The following REEP3 variants were observed in gnomAD, a reference collection of about 807,000 sequenced individuals.
The protein encoded by REEP3 is receptor expression-enhancing protein 3.
Under a neutral mutation model 41.3 loss-of-function variants are expected in REEP3, and 20 were observed. The ratio of observed to expected loss-of-function variants is 0.48; its 90% confidence interval spans 0.34 to 0.70. The LOEUF is 0.70. Among genes scored for constraint, REEP3 ranks in the 30% least tolerant of loss-of-function variants. The pLI, the probability that REEP3 is intolerant of heterozygous loss-of-function variation, is 0.01. For synonymous variants in REEP3, 104 were observed against 101.8 expected, an observed-to-expected ratio of 1.02 and a Z score of -0.13; for missense variants, 271 against 308.8, an observed-to-expected ratio of 0.88 and a Z score of 0.92.
At chr10:63,591,115 G>A (rs1188634600) in intron 2 of REEP3, among the ~76,000 whole-genome samples, 3 of 102,838 alleles carry the variant, frequency 2.9e-5, no homozygotes, top group African/African-American at 1.1e-4. Context: ...TAGGTTTTGT[G>A]TTTTTGTTTT....
intron 3 of REEP3, 31 bp from the exon 4 acceptor site, chr10:63,597,993 G>A (rs1234402940): frequency 6.4e-7 from 1 of 1,569,614 alleles, no homozygotes; most frequent in Admixed American, 1.9e-5. Context: ...TTTTTCACTG[G>A]CAGTTTATTT....
chr10:63,608,318 T>C (rs1183493234), intron 5 of REEP3, among the ~76,000 whole-genome samples: 1 of 152,246 alleles, frequency 6.6e-6, no homozygotes, highest in Non-Finnish European at 1.5e-5. Flanking sequence ...AATGATTTCG[T>C]ATCACAATTC....
intron 1 of REEP3, among the ~76,000 whole-genome samples, chr10:63,564,763 G>A (rs910882692): frequency 1.3e-5 from 2 of 152,102 alleles, no homozygotes; most frequent in Non-Finnish European, 2.9e-5. Context: ...CCTTTCTGGA[G>A]GGCATTTTGG....
At chr10:63,579,008 A>C (rs1178991282) in intron 2 of REEP3, among the ~76,000 whole-genome samples, 1 of 143,032 alleles carries the variant, frequency 7.0e-6, no homozygotes, top group Non-Finnish European at 1.5e-5. Context: ...ATAATCATCA[A>C]GTGTTTTATA....
intron 3 of REEP3, 111 bp from the exon 4 acceptor site, chr10:63,597,913 A>AC: frequency 1.0e-6 from 1 of 996,424 alleles, no homozygotes; most frequent in Non-Finnish European, 1.4e-6. Flanking sequence ...ATCTCAAAAA[A>AC]AAAAAAACAA....
At chr10:63,578,493 C>T (rs1269400877) in intron 2 of REEP3, among the ~76,000 whole-genome samples, 3 of 152,000 alleles carry the variant, frequency 2.0e-5, no homozygotes, top group African/African-American at 7.2e-5. Context: ...AATATATGGC[C>T]GGGCATGGTA....
At chr10:63,576,147 T>C (rs967004767) in intron 2 of REEP3, among the ~76,000 whole-genome samples, 9 of 152,216 alleles carry the variant, frequency 5.9e-5, no homozygotes, top group Non-Finnish European at 8.8e-5. Flanking sequence ...GGTTCTCTGC[T>C]CATTTTTTAG....
chr10:63,592,051 A>G (rs1589879889), intron 2 of REEP3, among the ~76,000 whole-genome samples: 3 of 152,316 alleles, frequency 2.0e-5, no homozygotes, highest in East Asian at 3.9e-4. Context: ...GAAGTGAGCC[A>G]TATTTCACTT....
chr10:63,534,114 T>C (rs958662167), intron 1 of REEP3, among the ~76,000 whole-genome samples: 5 of 152,168 alleles, frequency 3.3e-5, no homozygotes, highest in African/African-American at 1.2e-4. Flanking sequence ...AAAAAAAACC[T>C]GATCTTTCCT....
rs1438533617 is a variant in REEP3, at chr10:63,621,426, C to T, written c.*557C>T. The T allele has an allele frequency of 6.6e-6, 1 of 152,634 alleles. No homozygotes were observed. Among genetic ancestry groups the T allele is most frequent in the Non-Finnish European group, 1.5e-5 (1 of 68,026 alleles). The allele number at this position is 152,634 out of a possible 1,614,324, so 9.5% of individuals were successfully genotyped here. A position where few individuals can be genotyped will look rare whatever the true frequency, so the allele number is the denominator to read the frequency against. ...CAAATATTTGAAAACCAGGTATCCA[C>T]ACATAGCACTTTTATTCCTGACTAG... On this transcript the variant is annotated 3_prime_UTR_variant, in exon 8 of 8. Coordinates refer to ENST00000373758, the MANE Select transcript of REEP3 (RefSeq NM_001001330.3).
At chr10:63,565,724 A>T (rs914749879) in intron 1 of REEP3, among the ~76,000 whole-genome samples, 1 of 152,142 alleles carries the variant, frequency 6.6e-6, no homozygotes, top group African/African-American at 2.4e-5. Flanking sequence ...GCAGGGTTGG[A>T]GCAATTTTTA....
At chr10:63,530,864 T>C (rs1311453775) in intron 1 of REEP3, among the ~76,000 whole-genome samples, 1 of 152,238 alleles carries the variant, frequency 6.6e-6, no homozygotes, top group Admixed American at 6.5e-5. Flanking sequence ...TTACTGTTGA[T>C]TCATAACAAC....
At position 63,622,651 on chromosome 10, in the gene REEP3, A is replaced by T. The variant is rs1166152769; in HGVS notation, c.*1782A>T. ...ACAGTATCATCTGAAGTTGCCTAAT[A>T]AGGTCATGTGAGTCAAGAACTTTAT... On this transcript the variant is annotated 3_prime_UTR_variant, in exon 8 of 8. Coordinates refer to ENST00000373758, the MANE Select transcript of REEP3 (RefSeq NM_001001330.3). The T allele has an allele frequency of 1.3e-5, 2 of 151,432 alleles. No homozygotes were observed. Among genetic ancestry groups the T allele is most frequent in the East Asian group, 1.9e-4 (1 of 5,174 alleles). 9.4% of individuals were successfully genotyped at this position (151,432 alleles called of 1,614,324 possible).
intron 1 of REEP3, among the ~76,000 whole-genome samples, chr10:63,554,411 C>G (rs912678358): frequency 2.0e-5 from 3 of 152,086 alleles, no homozygotes; most frequent in Non-Finnish European, 2.9e-5. Flanking sequence ...TGTGGAATTA[C>G]AATTGTTTAG....
At chr10:63,590,746 CATTATTCATT>C (rs1257756631) in intron 2 of REEP3, among the ~76,000 whole-genome samples, 1 of 152,168 alleles carries the variant, frequency 6.6e-6, no homozygotes, top group Admixed American at 6.5e-5. Context: ...ATAGCTTTCT[CATTATTCATT>C]GTTCTTGTGA....
At chr10:63,577,082 C>G (rs1255456117) in intron 2 of REEP3, among the ~76,000 whole-genome samples, 3 of 152,190 alleles carry the variant, frequency 2.0e-5, no homozygotes, top group African/African-American at 7.2e-5. Context: ...TTATCAATGT[C>G]TATATCTTTA....
chr10:63,613,975 A>C (rs1340643303), intron 6 of REEP3, among the ~76,000 whole-genome samples: 3 of 152,268 alleles, frequency 2.0e-5, no homozygotes, highest in East Asian at 3.9e-4. Flanking sequence ...TTTCCTGCAT[A>C]AAAAATACAT....
chr10:63,619,902 G>T, intron 7 of REEP3, 102 bp downstream of exon 7: 2 of 646,852 alleles, frequency 3.1e-6, no homozygotes, highest in Non-Finnish European at 4.7e-6. Context: ...GATTGGAATG[G>T]TAGAACAGCA....
chr10:63,561,079 G>T (rs1955735471), intron 1 of REEP3, among the ~76,000 whole-genome samples: 1 of 151,930 alleles, frequency 6.6e-6, no homozygotes, highest in Non-Finnish European at 1.5e-5. Context: ...AGGTGTTAAG[G>T]GTATTCTGTT....
Sources: gnomAD v4.1 joint callset for allele counts (sites outside exome capture counted in the v4.1 genomes callset) on GRCh38, gnomAD v4.1.1 for gene constraint, MANE v1.5 for transcripts, NCBI Gene and HGNC (gene_info 2026-07-23, HGNC 2026-07-21) for gene names.